RBFOX1: variants seen among roughly 807,000 people sequenced by gnomAD.
RBFOX1 encodes RNA binding protein fox-1 homolog 1.
RBFOX1 carries 8 observed loss-of-function variants against 57.7 expected under a neutral mutation model. The observed-to-expected ratio is 0.14, with a 90% CI of 0.08 to 0.25. The LOEUF is 0.25. Ranked by LOEUF, RBFOX1 falls within the 10% of genes least tolerant of loss-of-function variation. The pLI is 1.00. For missense variants in RBFOX1, 611 were observed against 548.5 expected (o/e 1.11, Z -1.14); for synonymous variants, 326 against 222.4 (o/e 1.47, Z -4.15).
intron 4 of RBFOX1, among the ~76,000 whole-genome samples, chr16:7,368,083 G>A (rs191537729): frequency 3.9e-5 from 6 of 151,964 alleles, no homozygotes; most frequent in East Asian, 3.9e-4. Context: ...CCTGGCCAAC[G>A]TAATGAAACC....
At chr16:7,132,131 C>G (rs2070634510) in intron 4 of RBFOX1, among the ~76,000 whole-genome samples, 1 of 151,640 alleles carries the variant, frequency 6.6e-6, no homozygotes, top group African/African-American at 2.4e-5. Flanking sequence ...CAGGCACCTT[C>G]CACCATGCCC....
intron 4 of RBFOX1, among the ~76,000 whole-genome samples, chr16:5,913,231 G>A (rs535712129): frequency 2.0e-5 from 3 of 152,254 alleles, no homozygotes; most frequent in East Asian, 1.9e-4. Flanking sequence ...TTTATCCCAC[G>A]GTTATTTATT....
intron 9 of RBFOX1, among the ~76,000 whole-genome samples, chr16:7,598,971 C>G (rs74011122): frequency 0.15 from 23,068 of 152,086 alleles, 2,046 homozygotes; most frequent in East Asian, 0.25. Flanking sequence ...AGTCAGTTTG[C>G]TCTTAATTTT....
chr16:7,019,469 C>T (rs1254704808), intron 3 of RBFOX1, among the ~76,000 whole-genome samples: 2 of 152,068 alleles, frequency 1.3e-5, no homozygotes, highest in Non-Finnish European at 2.9e-5. Context: ...AGATTTTGTA[C>T]TTTTTGTTAA....
At chr16:7,376,695 AT>A (rs1449440105) in intron 4 of RBFOX1, among the ~76,000 whole-genome samples, 2 of 152,020 alleles carry the variant, frequency 1.3e-5, no homozygotes. Flanking sequence ...CAGCAGAGGA[AT>A]TTTTTTTCCA....
intron 15 of RBFOX1, chr16:7,709,780 G>C: frequency 9.2e-7 from 1 of 1,087,376 alleles, no homozygotes; most frequent in Non-Finnish European, 1.2e-6. Flanking sequence ...AAAATGGGAG[G>C]TAAGGGTGGG....
At chr16:7,680,475 C>G (rs1039432330) in intron 14 of RBFOX1, among the ~76,000 whole-genome samples, 4 of 152,118 alleles carry the variant, frequency 2.6e-5, no homozygotes, top group African/African-American at 9.7e-5. Context: ...CTGAAAGTAG[C>G]TAGATGCAGA....
downstream of RBFOX1, among the ~76,000 whole-genome samples, chr16:5,600,482 G>A (rs1374816883): frequency 2.2e-5 from 2 of 92,562 alleles, no homozygotes; most frequent in African/African-American, 9.6e-5. Context: ...GTAAGAGCCT[G>A]TCTCAAAAAA....
In RBFOX1 at chr16:6,702,818, G is replaced by C. The variant is rs138355551; in HGVS notation, c.-16+48168G>C. ...TTAGCCATTTTAAATGTAGAGTTCA[G>C]TGGCATTAAATACATTCACATTGTT... On this transcript the variant is annotated intron_variant, in intron 3 of 15. Transcript: ENST00000550418. Among the ~76,000 whole-genome samples, 62 of 152,302 alleles carry C rather than the reference G, an allele frequency of 4.1e-4. 2 individuals carry two copies. The East Asian group carries it at 9.6e-3, about 24-fold the overall frequency.
intron 3 of RBFOX1, among the ~76,000 whole-genome samples, chr16:6,798,821 G>A (rs1202437988): frequency 6.6e-6 from 1 of 152,132 alleles, no homozygotes; most frequent in Non-Finnish European, 1.5e-5. Flanking sequence ...TGATTAGATT[G>A]TGTTCCCTAG....
At chr16:6,092,698 T>C (rs2096193117) in intron 1 of RBFOX1, 1 of 152,192 alleles carries the variant, frequency 6.6e-6, no homozygotes, top group South Asian at 2.1e-4. Flanking sequence ...CAGATGGTTA[T>C]TGGTGTGTGG....
chr16:6,013,276 A>G (rs1036979007), intron 4 of RBFOX1, among the ~76,000 whole-genome samples: 3 of 152,222 alleles, frequency 2.0e-5, no homozygotes, highest in Non-Finnish European at 4.4e-5. Context: ...CCTGCCCTAA[A>G]TCAAAGACAC....
At chr16:6,713,814 T>C (rs570578007) in intron 3 of RBFOX1, among the ~76,000 whole-genome samples, 17 of 152,314 alleles carry the variant, frequency 1.1e-4, no homozygotes, top group Non-Finnish European at 2.2e-4. Flanking sequence ...AAAGCTTTTT[T>C]AGACTTCTCC....
At chr16:5,395,199 C>A (rs1295513302) in intron 1 of RBFOX1, among the ~76,000 whole-genome samples, 1 of 152,228 alleles carries the variant, frequency 6.6e-6, no homozygotes, top group Non-Finnish European at 1.5e-5. Flanking sequence ...CATGACCTCA[C>A]CTGGTGGTCT....
intron 2 of RBFOX1, among the ~76,000 whole-genome samples, chr16:5,556,663 C>G (rs887173078): frequency 6.6e-6 from 1 of 152,228 alleles, no homozygotes; most frequent in Admixed American, 6.5e-5. Context: ...CTGACTCTCA[C>G]CCTCGGGCAC....
intron 1 of RBFOX1, among the ~76,000 whole-genome samples, chr16:6,181,216 G>A (rs2097059942): frequency 6.6e-6 from 1 of 152,106 alleles, no homozygotes; most frequent in South Asian, 2.1e-4. Context: ...TATGGTCACG[G>A]CCTTCTACCT....
chr16:7,703,875 G>T (rs1434905106), intron 14 of RBFOX1, among the ~76,000 whole-genome samples: 1 of 152,218 alleles, frequency 6.6e-6, no homozygotes, highest in African/African-American at 2.4e-5. Context: ...CGGTAGAGCT[G>T]CATGTGATTA....
intron 3 of RBFOX1, among the ~76,000 whole-genome samples, chr16:6,844,357 C>G (rs535999670): frequency 1.3e-4 from 20 of 152,188 alleles, no homozygotes; most frequent in African/African-American, 4.8e-4. Context: ...CTTTCCTTCC[C>G]CTCAGCAGAT....
At chr16:6,732,326 C>T (rs769581842) in intron 3 of RBFOX1, among the ~76,000 whole-genome samples, 3 of 152,216 alleles carry the variant, frequency 2.0e-5, no homozygotes, top group Non-Finnish European at 4.4e-5. Context: ...GGCTCCTGTT[C>T]AGATTCTCAC....
Sources: allele counts gnomAD v4.1 joint callset (sites outside exome capture counted in the v4.1 genomes callset), GRCh38; gene constraint gnomAD v4.1.1; transcripts MANE v1.5; gene names NCBI Gene and HGNC (gene_info 2026-07-23, HGNC 2026-07-21).